The following ST3GAL3 variants were observed in gnomAD, a reference collection of about 807,000 sequenced individuals.
ST3GAL3 encodes the protein ST3 beta-galactoside alpha-2,3-sialyltransferase 3.
ST3GAL3 carries 21 observed loss-of-function variants against 50.1 expected under a neutral mutation model. That is an observed-to-expected ratio of 0.42 (90% CI 0.30 to 0.60). The LOEUF (loss-of-function observed/expected upper bound fraction) is 0.60. ST3GAL3 is among the 20% of genes least tolerant of loss of function. ST3GAL3 has a pLI of 0.19. For missense variants in ST3GAL3, 353 were observed against 489.4 expected (o/e 0.72, Z 2.63); for synonymous variants, 183 against 190.0 (o/e 0.96, Z 0.30).
intron 3 of ST3GAL3, 123 bp downstream of exon 3, chr1:43,792,272 C>T: frequency 8.0e-7 from 1 of 1,249,578 alleles, no homozygotes; most frequent in Non-Finnish European, 1.2e-6. Context: ...TGGGGGAAGT[C>T]TCAAGAAGCC....
At chr1:43,729,412 A>G (rs190053230) in intron 1 of ST3GAL3, among the ~76,000 whole-genome samples, 77 of 152,034 alleles carry the variant, frequency 5.1e-4, no homozygotes, top group Non-Finnish European at 1.2e-4. Context: ...CCCACTGAAT[A>G]CCTCCAATTT....
intron 11 of ST3GAL3, among the ~76,000 whole-genome samples, chr1:43,923,310 C>A (rs184261701): frequency 4.0e-5 from 6 of 151,694 alleles, no homozygotes; most frequent in Non-Finnish European, 7.4e-5. Context: ...TCTCAGACAG[C>A]CTTCTCTTCT....
intron 1 of ST3GAL3, among the ~76,000 whole-genome samples, chr1:43,709,905 G>A (rs1663750652): frequency 6.6e-6 from 1 of 151,962 alleles, no homozygotes; most frequent in Non-Finnish European, 1.5e-5. Flanking sequence ...GAATATATGC[G>A]TGAGCCACCA....
At chr1:43,721,008 G>A (rs1362763141) in intron 1 of ST3GAL3, among the ~76,000 whole-genome samples, 1 of 152,084 alleles carries the variant, frequency 6.6e-6, no homozygotes, top group African/African-American at 2.4e-5. Flanking sequence ...ACTTTGGGAG[G>A]CCTAAAGCAG....
intron 4 of ST3GAL3, 132 bp downstream of exon 4, chr1:43,815,065 G>T: frequency 2.2e-6 from 2 of 925,646 alleles, no homozygotes; most frequent in Admixed American, 1.7e-5. Context: ...TCCTCAGGCT[G>T]TCAGCAGAAT....
intron 4 of ST3GAL3, among the ~76,000 whole-genome samples, chr1:43,819,567 A>G (rs1345553282): frequency 6.6e-6 from 1 of 152,198 alleles, no homozygotes; most frequent in Non-Finnish European, 1.5e-5. Context: ...ACACAGCTAT[A>G]TCTTGAGAAT....
intron 5 of ST3GAL3, among the ~76,000 whole-genome samples, chr1:43,868,937 A>G (rs535207588): frequency 9.2e-5 from 14 of 152,290 alleles, no homozygotes; most frequent in African/African-American, 2.6e-4. Flanking sequence ...TAGACAGCCC[A>G]ATGAAGAAAG....
Position 43,736,360 on chromosome 1 carries a change from T to C in ST3GAL3, c.98T>C (p.Leu33Pro). The change falls in exon 2 of 12, where the codon CTC becomes CCC. Residue 33 changes from leucine to proline, a missense_variant. Leu to Pro is a moderately conservative substitution (Grantham distance 98). Transcript: ENST00000347631. ...TATTCTGCGTGGAAGCTACACTTAC[T>C]CCAGTGGGAGGAGGACTCCAGTAAG... ...LYYSAWKLHL[L>P]QWEEDSNSVV... 6.2e-7 allele frequency: 1 copy of C among 1,614,140 alleles called. No homozygotes were observed. Among genetic ancestry groups the C allele is most frequent in the Non-Finnish European group, 8.5e-7 (1 of 1,180,028 alleles).
intron 9 of ST3GAL3, chr1:43,913,771 C>G (rs1292579008): frequency 1.3e-5 from 2 of 152,210 alleles, no homozygotes; most frequent in African/African-American, 2.4e-5. Context: ...TCCCTGGGAT[C>G]GTGACCTAAA....
chr1:43,929,981 C>T lies in ST3GAL3; in HGVS notation c.1039-151C>T, dbSNP rs759743055. 1.2e-5 allele frequency: 9 copies of T among 772,544 alleles called. No individual in the cohort carries two copies. The South Asian group carries it at 1.2e-4, about 10-fold the overall frequency. 47.9% of individuals were successfully genotyped at this position (772,544 alleles called of 1,614,324 possible). On this transcript the variant is annotated intron_variant, in intron 11 of 11. Transcript: ENST00000347631. ...CACTCCTAGAGCAGGGTCATCATTA[C>T]CGTGTAGACACAACTGATTACCAGT... is the stretch of plus-strand genomic sequence containing the variant.
intron 5 of ST3GAL3, chr1:43,841,999 A>G (rs1419629950): frequency 6.6e-6 from 1 of 152,204 alleles, no homozygotes; most frequent in Admixed American, 6.5e-5. Flanking sequence ...CATCACTCTC[A>G]ACTTCAAACT....
Position 43,759,065 on chromosome 1 carries a change from G to GCGCGCACACA in ST3GAL3, c.118+22686_118+22687insGCGCACACAC, listed in dbSNP as rs60386464. ...TCCTAAAAAACAAACAAAAGCGCGC[G>GCGCGCACACA]CACACACACACACACACACACACAC... On this transcript the variant is annotated intron_variant, in intron 2 of 11. Coordinates refer to ENST00000347631, the MANE Select transcript of ST3GAL3 (RefSeq NM_006279.5). 2.7e-3 allele frequency among the ~76,000 whole-genome samples: 202 copies of GCGCGCACACA among 75,444 alleles called. 2 individuals carry two copies. The East Asian group carries it at 0.036, about 13-fold the overall frequency. 49.5% of individuals were successfully genotyped at this position (75,444 alleles called of 152,430 possible).
chr1:43,748,459 G>A (rs1572057331), intron 2 of ST3GAL3, among the ~76,000 whole-genome samples: 1 of 129,092 alleles, frequency 7.7e-6, no homozygotes, highest in Non-Finnish European at 1.6e-5. Context: ...GCCAGAGTCT[G>A]GCTCTGTCAT....
intron 9 of ST3GAL3, among the ~76,000 whole-genome samples, chr1:43,904,956 TTCCTC>T (rs2078989574): frequency 7.5e-5 from 1 of 13,344 alleles, no homozygotes; most frequent in Non-Finnish European, 1.4e-4. Context: ...TCTGCCACTC[TTCCTC>T]CCCTTCCTGC....
intron 1 of ST3GAL3, among the ~76,000 whole-genome samples, chr1:43,729,822 T>C (rs1181836308): frequency 6.6e-6 from 1 of 152,260 alleles, no homozygotes; most frequent in Admixed American, 6.5e-5. Context: ...CATAAGACTT[T>C]TTGTATTTTT....
chr1:43,887,175 GC>G (rs2076106809), intron 5 of ST3GAL3, among the ~76,000 whole-genome samples: 1 of 152,170 alleles, frequency 6.6e-6, no homozygotes, highest in Non-Finnish European at 1.5e-5. Context: ...AAAGTTGAGG[GC>G]CCAGCGCCTC....
intron 9 of ST3GAL3, chr1:43,920,006 G>T: frequency 2.8e-6 from 1 of 354,742 alleles, no homozygotes; most frequent in East Asian, 7.5e-5. Context: ...AGGGCAGACA[G>T]GAGAGAGGGC....
At chr1:43,894,692 T>G (rs961181039) in intron 6 of ST3GAL3, among the ~76,000 whole-genome samples, 5 of 151,962 alleles carry the variant, frequency 3.3e-5, no homozygotes, top group Admixed American at 6.6e-5. Context: ...CAGGCTAAAG[T>G]GCAGTGGCAT....
chr1:43,869,922 C>T (rs933127504), intron 5 of ST3GAL3, among the ~76,000 whole-genome samples: 3 of 152,226 alleles, frequency 2.0e-5, no homozygotes, highest in Non-Finnish European at 2.9e-5. Flanking sequence ...GCTTCTGTCT[C>T]TCAGACCACC....
Sources: gnomAD v4.1 joint callset for allele counts (sites outside exome capture counted in the v4.1 genomes callset) on GRCh38, gnomAD v4.1.1 for gene constraint, MANE v1.5 for transcripts, NCBI Gene and HGNC (gene_info 2026-07-23, HGNC 2026-07-21) for gene names.